RXRA: variants seen among roughly 807,000 people sequenced by gnomAD.
RXRA encodes the protein retinoid X receptor alpha.
A neutral mutation model predicts 44.5 loss-of-function variants in RXRA; 5 were observed. The observed-to-expected ratio is 0.11, with a 90% CI of 0.06 to 0.24. The LOEUF (loss-of-function observed/expected upper bound fraction) is 0.24, where lower values mean the gene tolerates loss of function less well. RXRA is among the 10% of genes least tolerant of loss of function. The pLI, the probability that RXRA is intolerant of heterozygous loss-of-function variation, is 1.00. For synonymous variants in RXRA, 291 were observed against 271.4 expected (o/e 1.07, Z -0.71); for missense variants, 412 against 646.5 (o/e 0.64, Z 3.93).
chr9:134,424,293 A>G (rs1831397650), intron 6 of RXRA: 2 of 985,226 alleles, frequency 2.0e-6, no homozygotes, highest in South Asian at 9.4e-5. Flanking sequence ...GGATGCCTGG[A>G]AAGCCATCCC....
intron 1 of RXRA, among the ~76,000 whole-genome samples, chr9:134,395,884 A>C (rs1216983189): frequency 6.6e-6 from 1 of 152,224 alleles, no homozygotes; most frequent in Non-Finnish European, 1.5e-5. Flanking sequence ...AGAAGAGCTG[A>C]AATTCCAGCC....
chr9:134,431,853 G>A, intron 7 of RXRA, 52 bp from the exon 8 acceptor site: 2 of 1,426,836 alleles, frequency 1.4e-6, no homozygotes, highest in Admixed American at 3.4e-5. Context: ...GTGTGGCCCT[G>A]GTGAGGGCTG....
chr9:134,374,631 A>G (rs73663467), intron 1 of RXRA, among the ~76,000 whole-genome samples: 7,338 of 152,270 alleles, frequency 0.048, 598 homozygotes, highest in African/African-American at 0.17. Flanking sequence ...CCCTCTGTCT[A>G]CCCAGAGAAT....
chr9:134,334,668 GTCAAAGCCTCTGC>G, intron 1 of RXRA, among the ~76,000 whole-genome samples: 1 of 152,228 alleles, frequency 6.6e-6, no homozygotes, highest in East Asian at 1.9e-4. Context: ...CCCTCTGGCT[GTCAAAGCCTCTGC>G]CTTGCCTTCT....
At chr9:134,339,121 C>A (rs1554747743) in intron 1 of RXRA, among the ~76,000 whole-genome samples, 2 of 152,218 alleles carry the variant, frequency 1.3e-5, no homozygotes. Flanking sequence ...CTGGGGTTGG[C>A]CCCGTGGGCT....
intron 1 of RXRA, among the ~76,000 whole-genome samples, chr9:134,395,187 C>G (rs116845249): frequency 2.0e-5 from 3 of 152,236 alleles, no homozygotes; most frequent in Non-Finnish European, 4.4e-5. Context: ...CCGGTCACTC[C>G]GAACTCCCAC....
intron 1 of RXRA, among the ~76,000 whole-genome samples, chr9:134,333,483 TGC>T (rs1835039258): frequency 6.6e-6 from 1 of 152,018 alleles, no homozygotes; most frequent in Non-Finnish European, 1.5e-5. Context: ...ACTGCTGCCG[TGC>T]GTGCGGGGTC....
chr9:134,361,199 T>C (rs959959978), intron 1 of RXRA, among the ~76,000 whole-genome samples: 3 of 152,350 alleles, frequency 2.0e-5, no homozygotes, highest in Non-Finnish European at 2.9e-5. Context: ...TCTGGAACCT[T>C]TTCCGGTTGG....
In RXRA at chr9:134,332,141, G is replaced by A. The variant is rs529472238; in HGVS notation, c.28+5482G>A. 9.8e-5 allele frequency among the ~76,000 whole-genome samples: 15 copies of A among 152,330 alleles called. 1 individual carries two copies. Among genetic ancestry groups the A allele is most frequent in the Admixed American group, 7.2e-4 (11 of 15,310 alleles). On this transcript the variant is annotated intron_variant, in intron 1 of 9. Transcript: ENST00000481739. ...CCTTGGCTTGGGGTGGTGGCTAGGA[G>A]AAGTCCCCACTCCCAGGTGGAAAGC...
intron 1 of RXRA, among the ~76,000 whole-genome samples, chr9:134,391,798 T>C (rs1453429168): frequency 6.6e-6 from 1 of 152,178 alleles, no homozygotes; most frequent in Non-Finnish European, 1.5e-5. Context: ...GGACCGAGGC[T>C]TCAGAAAGCC....
chr9:134,391,437 T>G (rs1435076677), intron 1 of RXRA, among the ~76,000 whole-genome samples: 1 of 151,924 alleles, frequency 6.6e-6, no homozygotes, highest in Non-Finnish European at 1.5e-5. Context: ...CAAGAATCAT[T>G]TCTTTTCCTG....
chr9:134,427,044 T>G, intron 6 of RXRA: 1 of 978,442 alleles, frequency 1.0e-6, no homozygotes, highest in Non-Finnish European at 1.2e-6. Flanking sequence ...TCCAAGTCTC[T>G]GTGTGATTTG....
At chr9:134,370,803 G>C (rs1430132599) in intron 1 of RXRA, among the ~76,000 whole-genome samples, 1 of 152,244 alleles carries the variant, frequency 6.6e-6, no homozygotes, top group Non-Finnish European at 1.5e-5. Context: ...CGGAGGGTCT[G>C]GGGTTGGAGG....
chr9:134,425,882 A>G, intron 6 of RXRA: 2 of 985,212 alleles, frequency 2.0e-6, no homozygotes, highest in Non-Finnish European at 2.4e-6. Context: ...AGTCGGTGTT[A>G]TTACTGTCCC....
At chr9:134,413,411 G>A (rs777294283) in intron 4 of RXRA, among the ~76,000 whole-genome samples, 1 of 152,184 alleles carries the variant, frequency 6.6e-6, no homozygotes, top group Non-Finnish European at 1.5e-5. Context: ...CATGGTTCTC[G>A]TGTTCTGATG....
At chr9:134,383,027 G>A (rs574356516) in intron 1 of RXRA, among the ~76,000 whole-genome samples, 122 of 152,342 alleles carry the variant, frequency 8.0e-4, no homozygotes, top group Non-Finnish European at 1.4e-3. Context: ...ATGCCCCTGG[G>A]CTGCTGGGAT....
intron 4 of RXRA, among the ~76,000 whole-genome samples, chr9:134,409,769 T>A (rs1282175068): frequency 3.3e-5 from 5 of 152,198 alleles, no homozygotes; most frequent in Non-Finnish European, 7.4e-5. Flanking sequence ...AGTGGGTCCC[T>A]GGGTCATGGT....
chr9:134,416,752 A>T (rs1050562313), intron 4 of RXRA, among the ~76,000 whole-genome samples: 1 of 150,396 alleles, frequency 6.6e-6, no homozygotes, highest in African/African-American at 2.5e-5. Flanking sequence ...CTTTGCAGGG[A>T]TCGTGTCTCC....
intron 1 of RXRA, among the ~76,000 whole-genome samples, chr9:134,367,379 G>C (rs1036506131): frequency 1.3e-5 from 2 of 152,158 alleles, no homozygotes; most frequent in Admixed American, 1.3e-4. Context: ...GCTCCCCGGA[G>C]CCCACCCTTC....
Sources: gnomAD v4.1 joint callset for allele counts (sites outside exome capture counted in the v4.1 genomes callset) on GRCh38, gnomAD v4.1.1 for gene constraint, MANE v1.5 for transcripts, NCBI Gene and HGNC (gene_info 2026-07-23, HGNC 2026-07-21) for gene names.